The following ADGRB3 variants were observed in gnomAD, a reference collection of about 807,000 sequenced individuals.
The protein encoded by ADGRB3 is brain-specific angiogenesis inhibitor 3.
Under a neutral mutation model 193.4 loss-of-function variants are expected in ADGRB3, and 37 were observed. The observed-to-expected ratio is 0.19, with a 90% CI of 0.15 to 0.25. The LOEUF is 0.25. Ranked by LOEUF, ADGRB3 falls within the 10% of genes least tolerant of loss-of-function variation. The pLI is 1.00. For synonymous variants in ADGRB3, 690 were observed against 644.2 expected, an observed-to-expected ratio of 1.07 and a Z score of -1.08; for missense variants, 1,637 against 1,852.9, an observed-to-expected ratio of 0.88 and a Z score of 2.14.
intron 13 of ADGRB3, among the ~76,000 whole-genome samples, chr6:69,025,481 T>C (rs1266210854): frequency 6.6e-6 from 1 of 152,098 alleles, no homozygotes; most frequent in Non-Finnish European, 1.5e-5. Context: ...AATGAGACAC[T>C]TGTAGTCTGT....
At chr6:68,995,421 T>C (rs1047892358) in intron 11 of ADGRB3, among the ~76,000 whole-genome samples, 1 of 152,186 alleles carries the variant, frequency 6.6e-6, no homozygotes, top group Non-Finnish European at 1.5e-5. Flanking sequence ...AATTCTTATG[T>C]GTGCAAGTTC....
chr6:69,147,710 T>C (rs556353184), intron 17 of ADGRB3, among the ~76,000 whole-genome samples: 76 of 152,302 alleles, frequency 5.0e-4, no homozygotes, highest in Non-Finnish European at 7.9e-4. Context: ...ATTTTTTGAC[T>C]GGATGATGTG....
chr6:69,162,860 C>T (rs1217954044), intron 17 of ADGRB3, among the ~76,000 whole-genome samples: 1 of 152,060 alleles, frequency 6.6e-6, no homozygotes, highest in Non-Finnish European at 1.5e-5. Context: ...CCAATTGAGA[C>T]TCTGTATCAA....
At chr6:68,784,911 C>G (rs1766929430) in intron 3 of ADGRB3, among the ~76,000 whole-genome samples, 1 of 151,902 alleles carries the variant, frequency 6.6e-6, no homozygotes, top group South Asian at 2.1e-4. Context: ...TAGTAGTGTT[C>G]ATTTTATTTA....
intron 26 of ADGRB3, among the ~76,000 whole-genome samples, chr6:69,344,527 C>T (rs1306746895): frequency 6.6e-6 from 1 of 152,106 alleles, no homozygotes; most frequent in Non-Finnish European, 1.5e-5. Context: ...TAATCTAAAA[C>T]CAGTAATATT....
chr6:69,076,228 A>C (rs1384531913), intron 17 of ADGRB3, among the ~76,000 whole-genome samples, 190 bp downstream of exon 17: 1 of 152,098 alleles, frequency 6.6e-6, no homozygotes, highest in East Asian at 1.9e-4. Context: ...CCATCAGGTT[A>C]CATCTCAAGA....
chr6:68,979,894 C>G (rs1200188726), intron 10 of ADGRB3, among the ~76,000 whole-genome samples: 1 of 151,366 alleles, frequency 6.6e-6, no homozygotes, highest in African/African-American at 2.4e-5. Context: ...CTTTTACATA[C>G]ATACAAACAC....
rs1487698666 is a variant in ADGRB3, at chr6:69,100,829, G to A, written c.2480+24791G>A. Among the ~76,000 whole-genome samples the A allele has an allele frequency of 4.8e-5, 6 of 125,256 alleles. No individual in the cohort carries two copies. In the South Asian group the frequency reaches 1.8e-3, roughly 37 times the overall value. The allele number at this position is 125,256 out of a possible 152,430, so 82.2% of individuals were successfully genotyped here. On this transcript the variant is annotated intron_variant, in intron 17 of 31. Coordinates refer to ENST00000370598, the MANE Select transcript of ADGRB3 (RefSeq NM_001704.3). ...AAAGACAAAGGAAGGAAGGAAAGAA[G>A]GAAGGAAGGAAGGAGGGAGGGAGGG... is the stretch of plus-strand genomic sequence containing the variant.
At position 68,790,455 on chromosome 6, in the gene ADGRB3, C is replaced by T. The variant is rs535006552; in HGVS notation, c.758-140104C>T. ...GAAGAGAGTGGTGGTTCTCCCAGCA[C>T]GCAGCTTGAGATCTGAGAACGGGCA... On this transcript the variant is annotated intron_variant, in intron 3 of 31. Transcript: ENST00000370598. Among the ~76,000 whole-genome samples, 222 of 152,314 alleles carry T rather than the reference C, an allele frequency of 1.5e-3. 2 individuals are homozygous for T. In the Middle Eastern group the frequency reaches 0.034, roughly 23 times the overall value.
At position 68,991,332 on chromosome 6, in the gene ADGRB3, T is replaced by C. The variant is rs960579390; in HGVS notation, c.1735-2436T>C. Among the ~76,000 whole-genome samples the C allele has an allele frequency of 2.6e-5, 4 of 151,924 alleles. No homozygotes were observed. The South Asian group carries it at 8.3e-4, about 32-fold the overall frequency. On this transcript the variant is annotated intron_variant, in intron 10 of 31. Coordinates refer to ENST00000370598, the MANE Select transcript of ADGRB3 (RefSeq NM_001704.3). ...GAATAAAATAATAAACAAAACCTCC[T>C]CCTTCAGAAGGCTTATATTAATATT...
chr6:68,900,652 A>G (rs1179581176), intron 3 of ADGRB3, among the ~76,000 whole-genome samples: 1 of 152,142 alleles, frequency 6.6e-6, no homozygotes, highest in Non-Finnish European at 1.5e-5. Flanking sequence ...ACAAGGATGG[A>G]GGTTACACAT....
chr6:69,336,912 A>G (rs1768862519), intron 24 of ADGRB3, among the ~76,000 whole-genome samples: 1 of 152,120 alleles, frequency 6.6e-6, no homozygotes, highest in Admixed American at 6.6e-5. Flanking sequence ...TACTTCATGC[A>G]CATCCAGTAA....
chr6:68,639,229 G>T lies in ADGRB3; in HGVS notation c.554G>T (p.Arg185Ile), dbSNP rs762265433. The change falls in exon 3 of 32, where the codon AGA (arginine) becomes ATA (isoleucine). Residue 185 changes from arginine to isoleucine, a missense_variant. Physicochemically the swap from Arg to Ile is moderately conservative, Grantham distance 97 (BLOSUM62 -3). Coordinates refer to ENST00000370598, the MANE Select transcript of ADGRB3 (RefSeq NM_001704.3). ...LESCLKSENG[R>I]TESCGIMYTK... ...AGCTGCTTAAAATCAGAAAATGGGA[G>T]AACAGAATCATGTGGGATCATGTAT... 1 of 1,614,128 alleles carries T rather than the reference G, an allele frequency of 6.2e-7. No individual in the cohort carries two copies. The highest frequency in any genetic ancestry group is 1.6e-4 in the Middle Eastern group (1 of 6,062).
intron 8 of ADGRB3, among the ~76,000 whole-genome samples, chr6:68,971,271 A>G (rs1768560287): frequency 1.3e-5 from 2 of 152,186 alleles, no homozygotes; most frequent in Non-Finnish European, 2.9e-5. Flanking sequence ...TATAGCATTT[A>G]CATTGAGTTA....
chr6:69,240,004 T>C (rs191967798), intron 20 of ADGRB3, among the ~76,000 whole-genome samples: 303 of 152,158 alleles, frequency 2.0e-3, no homozygotes, highest in African/African-American at 6.8e-3. Flanking sequence ...TATTTTTCAT[T>C]TTTTTAATTT....
chr6:69,385,380 AG>A (rs1449705119), intron 31 of ADGRB3, among the ~76,000 whole-genome samples: 1 of 151,976 alleles, frequency 6.6e-6, no homozygotes, highest in East Asian at 1.9e-4. Flanking sequence ...AGATGGATGG[AG>A]GGAGGGAGGG....
chr6:68,767,319 G>A lies in ADGRB3; in HGVS notation c.757+127887G>A, dbSNP rs1165546097. Among the ~76,000 whole-genome samples the A allele has an allele frequency of 2.0e-5, 3 of 152,110 alleles. 1 individual carries two copies. The highest frequency in any genetic ancestry group is 7.2e-5 in the African/African-American group (3 of 41,422). On this transcript the variant is annotated intron_variant, in intron 3 of 31. Transcript: ENST00000370598. ...TAATACTGGCAAGCCGAATCCAGCAGCACATCAAAAAGCTTATCCACCATG... is the reference window on the plus strand; with the variant it reads ...TAATACTGGCAAGCCGAATCCAGCAACACATCAAAAAGCTTATCCACCATG...
intron 3 of ADGRB3, among the ~76,000 whole-genome samples, chr6:68,653,378 T>C (rs1282835473): frequency 6.6e-6 from 1 of 152,126 alleles, no homozygotes; most frequent in African/African-American, 2.4e-5. Context: ...ACAGTTGTGG[T>C]GTGCTAAAAC....
intron 20 of ADGRB3, among the ~76,000 whole-genome samples, chr6:69,256,736 C>T (rs1485940040): frequency 3.9e-5 from 6 of 152,206 alleles, no homozygotes; most frequent in Admixed American, 2.6e-4. Context: ...ACTTCCAACA[C>T]TATGCTGAAT....
Sources: allele counts gnomAD v4.1 joint callset (sites outside exome capture counted in the v4.1 genomes callset), GRCh38; gene constraint gnomAD v4.1.1; transcripts MANE v1.5; gene names NCBI Gene and HGNC (gene_info 2026-07-23, HGNC 2026-07-21).